The following KCNE3 variants were observed in gnomAD, a reference collection of about 807,000 sequenced individuals.
KCNE3 encodes the protein potassium voltage-gated channel subfamily E regulatory subunit 3.
KCNE3 carries 2 observed loss-of-function variants against 4.3 expected under a neutral mutation model. That is an observed-to-expected ratio of 0.47 (90% CI 0.19 to 1.48). KCNE3 has a LOEUF of 1.48. Among genes scored for constraint, KCNE3 ranks in the 40% most tolerant of loss-of-function variants. The pLI is 0.25. For synonymous variants in KCNE3, 47 were observed against 52.0 expected (o/e 0.90, Z 0.41); for missense variants, 128 against 136.8 (o/e 0.94, Z 0.32).
intron 2 of KCNE3, among the ~76,000 whole-genome samples, chr11:74,457,882 C>T (rs1271972816): frequency 6.6e-6 from 1 of 152,174 alleles, no homozygotes; most frequent in African/African-American, 2.4e-5. Context: ...AGGGCAGTTC[C>T]CCTGCACCTG....
chr11:74,457,457 C>T lies in KCNE3; in HGVS notation c.107G>A (p.Gly36Glu), dbSNP rs1863848165. 6.2e-7 allele frequency: 1 copy of T among 1,614,076 alleles called. No individual in the cohort carries two copies. Among genetic ancestry groups the T allele is most frequent in the Non-Finnish European group, 8.5e-7 (1 of 1,179,910 alleles). Residue 36 changes from glycine (G) to glutamate (E), a missense_variant, in exon 3 of 3, where the codon GGG (glycine) becomes GAG (glutamate). Gly to Glu is a moderately conservative substitution (Grantham distance 98, BLOSUM62 -2). Transcript: ENST00000310128. ...HSNLLCRPGP[G>E]LGPDNQTEER... ...TTCAGTCTGGTTGTCTGGCCCCAGC[C>T]CTGGCCCTGGCCGGCAGAGCAAATT...
rs146596141 is a variant in KCNE3, at chr11:74,466,793, G to T, written c.-190+605C>A. Among the ~76,000 whole-genome samples the T allele has an allele frequency of 4.0e-3, 604 of 152,272 alleles. 6 individuals are homozygous for T. Among genetic ancestry groups the T allele is most frequent in the African/African-American group, 0.014 (566 of 41,554 alleles). On this transcript the variant is annotated intron_variant, in intron 1 of 2. Transcript: ENST00000310128. Reference sequence around the variant, plus strand: ...GGCCCAGGAAAAGCGAGCACAAGGCGCAGAGCTGAGGGATGACTGCCCGGG... The same window carrying T: ...GGCCCAGGAAAAGCGAGCACAAGGCTCAGAGCTGAGGGATGACTGCCCGGG...
chr11:74,466,399 CA>C (rs1403687993), intron 1 of KCNE3, among the ~76,000 whole-genome samples: 6 of 152,218 alleles, frequency 3.9e-5, no homozygotes, highest in African/African-American at 1.4e-4. Flanking sequence ...AGGCCCCCAG[CA>C]TGGGTCTTCC....
chr11:74,456,848 G>A lies in KCNE3; in HGVS notation c.*404C>T, dbSNP rs150406522. ...TCTGTGATATGGGATAGTCATCACT[G>A]CTTCTCATGGCTGAAGATAACACAT... On this transcript the variant is annotated 3_prime_UTR_variant, in exon 3 of 3. Coordinates refer to ENST00000310128, the MANE Select transcript of KCNE3 (RefSeq NM_005472.5). The A allele has an allele frequency of 1.4e-4, 36 of 261,270 alleles. No individual in the cohort carries two copies. The East Asian group carries it at 3.5e-3, about 25-fold the overall frequency. The allele number at this position is 261,270 out of a possible 1,614,324, so 16.2% of individuals were successfully genotyped here.
chr11:74,466,266 A>C (rs1864055131), intron 1 of KCNE3, among the ~76,000 whole-genome samples: 1 of 152,184 alleles, frequency 6.6e-6, no homozygotes, highest in South Asian at 2.1e-4. Context: ...CCCTCTTAGA[A>C]GGTATTTTGA....
chr11:74,465,678 G>A (rs1463577345), intron 1 of KCNE3, among the ~76,000 whole-genome samples: 1 of 152,120 alleles, frequency 6.6e-6, no homozygotes, highest in Non-Finnish European at 1.5e-5. Flanking sequence ...AATCTTGGCT[G>A]TATGCTTGGC....
Position 74,457,026 on chromosome 11 carries a change from CCACTGTT to C in KCNE3, c.*219_*225del. 1.7e-6 allele frequency: 1 copy of C among 587,980 alleles called. No individual in the cohort carries two copies. The highest frequency in any genetic ancestry group is 3.0e-6 in the Non-Finnish European group (1 of 329,698). The allele number at this position is 587,980 out of a possible 1,614,324, so 36.4% of individuals were successfully genotyped here. ...CTTTTATATGTTTGTTCATGGGCTC[CCACTGTT>C]TATAAAGTCTATCTTTTCCTGGGAA... On this transcript the variant is annotated 3_prime_UTR_variant, in exon 3 of 3. Coordinates refer to ENST00000310128, the MANE Select transcript of KCNE3 (RefSeq NM_005472.5).
chr11:74,459,975 C>T (rs556484845), intron 2 of KCNE3, among the ~76,000 whole-genome samples: 1 of 152,326 alleles, frequency 6.6e-6, no homozygotes, highest in Admixed American at 6.5e-5. Flanking sequence ...ATGGGCCAAG[C>T]ATTCAGTCCT....
At chr11:74,458,053 G>T (rs1379152918) in intron 2 of KCNE3, among the ~76,000 whole-genome samples, 1 of 152,156 alleles carries the variant, frequency 6.6e-6, no homozygotes, top group Non-Finnish European at 1.5e-5. Flanking sequence ...GTATGAAAAT[G>T]GACTAATACA....
intron 1 of KCNE3, among the ~76,000 whole-genome samples, chr11:74,465,562 C>T (rs529953634): frequency 1.3e-5 from 2 of 152,206 alleles, no homozygotes; most frequent in African/African-American, 4.8e-5. Context: ...GTGTACCTAC[C>T]CAGGGTGTGG....
intron 2 of KCNE3, among the ~76,000 whole-genome samples, chr11:74,461,292 TTGTGTGTGTG>T (rs4018948): frequency 7.9e-4 from 118 of 148,474 alleles, no homozygotes; most frequent in Middle Eastern, 3.4e-3. Flanking sequence ...TTTTTATGTT[TTGTGTGTGTG>T]TGTGTGTGTG....
chr11:74,460,376 C>T (rs1863924857), intron 2 of KCNE3, among the ~76,000 whole-genome samples: 1 of 152,154 alleles, frequency 6.6e-6, no homozygotes, highest in African/African-American at 2.4e-5. Flanking sequence ...CAATATGGGC[C>T]ACACCCTGTG....
intron 1 of KCNE3, among the ~76,000 whole-genome samples, chr11:74,464,945 C>G (rs12270975): frequency 0.015 from 2,269 of 152,290 alleles, 51 homozygotes; most frequent in African/African-American, 0.052. Context: ...TGGCAAACTC[C>G]TACTCATCCT....
At chr11:74,459,146 G>A (rs188986261) in intron 2 of KCNE3, among the ~76,000 whole-genome samples, 24 of 152,088 alleles carry the variant, frequency 1.6e-4, no homozygotes, top group African/African-American at 5.5e-4. Flanking sequence ...ACACAAGCAC[G>A]CCAACTATCT....
chr11:74,464,480 G>A (rs1591230879), intron 1 of KCNE3, among the ~76,000 whole-genome samples: 1 of 152,174 alleles, frequency 6.6e-6, no homozygotes, highest in East Asian at 1.9e-4. Flanking sequence ...GAGAGGAGTT[G>A]AAGGAGTAGC....
chr11:74,459,413 C>T (rs1345129060), intron 2 of KCNE3, among the ~76,000 whole-genome samples: 1 of 152,020 alleles, frequency 6.6e-6, no homozygotes, highest in Non-Finnish European at 1.5e-5. Context: ...AGGCGCCCGC[C>T]ATCACGCCAG....
chr11:74,460,270 A>C lies in KCNE3; in HGVS notation c.-41+1685T>G, dbSNP rs117040014. ...TCTACTACCCCATGTGTCAGGCAAG[A>C]ACTCTGTGGCTGCTGCTTCCCTCGT... On this transcript the variant is annotated intron_variant, in intron 2 of 2. Coordinates refer to ENST00000310128, the MANE Select transcript of KCNE3 (RefSeq NM_005472.5). 3.7e-3 allele frequency among the ~76,000 whole-genome samples: 566 copies of C among 152,346 alleles called. 3 individuals are homozygous for C. Among genetic ancestry groups the C allele is most frequent in the Non-Finnish European group, 6.5e-3 (444 of 68,038 alleles).
intron 2 of KCNE3, among the ~76,000 whole-genome samples, chr11:74,460,617 G>A (rs1341544595): frequency 6.6e-6 from 1 of 152,232 alleles, no homozygotes; most frequent in East Asian, 1.9e-4. Context: ...GTGTGTAAAT[G>A]TTTAGAAGAA....
At chr11:74,464,332 A>G (rs1305471010) in intron 1 of KCNE3, 3 of 152,196 alleles carry the variant, frequency 2.0e-5, no homozygotes, top group Non-Finnish European at 4.4e-5. Flanking sequence ...GTGTCTGGAA[A>G]TGAAGTACAG....
Sources: gnomAD v4.1 joint callset for allele counts (sites outside exome capture counted in the v4.1 genomes callset) on GRCh38, gnomAD v4.1.1 for gene constraint, MANE v1.5 for transcripts, NCBI Gene and HGNC (gene_info 2026-07-23, HGNC 2026-07-21) for gene names.